Variants in CLASP1 observed in about 807,000 individuals in gnomAD.
CLASP1 encodes cytoplasmic linker associated protein 1.
In CLASP1, 38 loss-of-function variants were observed where a neutral mutation model predicts 192.3. The observed-to-expected ratio is 0.20, with a 90% CI of 0.15 to 0.26. CLASP1 has a LOEUF of 0.26. Ranked by LOEUF, CLASP1 falls within the 10% of genes least tolerant of loss-of-function variation. CLASP1 has a pLI of 1.00. For synonymous variants in CLASP1, 691 were observed against 712.8 expected (o/e 0.97, Z 0.49); for missense variants, 1,433 against 1,932.5 (o/e 0.74, Z 4.85).
intron 23 of CLASP1, among the ~76,000 whole-genome samples, chr2:121,412,055 A>T (rs984207678): frequency 1.3e-5 from 2 of 152,328 alleles, no homozygotes; most frequent in East Asian, 3.9e-4. Context: ...ACATGAATTG[A>T]TCTTTCCTAT....
intron 8 of CLASP1, among the ~76,000 whole-genome samples, chr2:121,473,476 G>A (rs760165050): frequency 5.3e-5 from 8 of 152,136 alleles, no homozygotes; most frequent in Non-Finnish European, 1.2e-4. Context: ...GAGTCTCAGA[G>A]ACATGAAGGA....
chr2:121,594,832 A>G (rs1398932845), intron 2 of CLASP1, among the ~76,000 whole-genome samples: 2 of 152,244 alleles, frequency 1.3e-5, no homozygotes, highest in African/African-American at 2.4e-5. Flanking sequence ...TACAATAAGC[A>G]TAATAATAGA....
chr2:121,483,599 C>T (rs1303707340), intron 8 of CLASP1, among the ~76,000 whole-genome samples: 1 of 151,478 alleles, frequency 6.6e-6, no homozygotes, highest in Non-Finnish European at 1.5e-5. Context: ...TATATACACA[C>T]ACACAAGAAT....
At chr2:121,384,886 AAATT>A (rs1166097222) in intron 32 of CLASP1, among the ~76,000 whole-genome samples, 4 of 152,260 alleles carry the variant, frequency 2.6e-5, no homozygotes, top group South Asian at 4.1e-4. Context: ...ATCTCTAAAT[AAATT>A]AATTAATTAA....
At chr2:121,531,174 A>AACTTC (rs2094847890) in intron 2 of CLASP1, among the ~76,000 whole-genome samples, 1 of 152,078 alleles carries the variant, frequency 6.6e-6, no homozygotes, top group Non-Finnish European at 1.5e-5. Context: ...ATTTCAACAG[A>AACTTC]ACTTCACCCC....
chr2:121,373,815 G>C (rs2069309377), intron 34 of CLASP1, among the ~76,000 whole-genome samples: 1 of 152,180 alleles, frequency 6.6e-6, no homozygotes, highest in Non-Finnish European at 1.5e-5. Context: ...TGGCCTGGCT[G>C]CTTCTAAAAG....
intron 2 of CLASP1, among the ~76,000 whole-genome samples, chr2:121,574,874 T>C (rs945037869): frequency 1.3e-5 from 2 of 151,292 alleles, no homozygotes; most frequent in Middle Eastern, 3.4e-3. Context: ...ACCCAGGAAT[T>C]GGAGGTTGCA....
chr2:121,529,747 T>G (rs2094704544), intron 3 of CLASP1, among the ~76,000 whole-genome samples: 1 of 152,216 alleles, frequency 6.6e-6, no homozygotes, highest in African/African-American at 2.4e-5. Context: ...GTGAAAATAG[T>G]CATGCCAACC....
chr2:121,482,680 A>T (rs985445065), intron 8 of CLASP1, among the ~76,000 whole-genome samples: 4 of 152,308 alleles, frequency 2.6e-5, no homozygotes, highest in African/African-American at 7.2e-5. Flanking sequence ...AGTCCCCAAC[A>T]TAAAACTCTG....
chr2:121,575,501 A>G (rs1363372469), intron 2 of CLASP1, among the ~76,000 whole-genome samples: 1 of 152,196 alleles, frequency 6.6e-6, no homozygotes. Context: ...CAGATTCTGA[A>G]GCTCACACAC....
chr2:121,351,230 T>C (rs1196882091), intron 37 of CLASP1, among the ~76,000 whole-genome samples: 4 of 152,232 alleles, frequency 2.6e-5, no homozygotes, highest in East Asian at 1.9e-4. Flanking sequence ...GTCCCTCAGA[T>C]GTGGCTGACA....
At chr2:121,370,632 C>T (rs1438969881) in intron 34 of CLASP1, among the ~76,000 whole-genome samples, 1 of 152,128 alleles carries the variant, frequency 6.6e-6, no homozygotes, top group African/African-American at 2.4e-5. Context: ...GTCCATTCTT[C>T]GATTTTCACT....
intron 7 of CLASP1, among the ~76,000 whole-genome samples, chr2:121,510,853 G>T (rs564471867): frequency 1.3e-5 from 2 of 151,436 alleles, no homozygotes; most frequent in South Asian, 2.1e-4. Context: ...ATGGACGAAT[G>T]AATGAATGAA....
At chr2:121,642,204 G>A (rs1481989973) in intron 1 of CLASP1, among the ~76,000 whole-genome samples, 1 of 151,812 alleles carries the variant, frequency 6.6e-6, no homozygotes, top group Non-Finnish European at 1.5e-5. Context: ...GATTGCTTGA[G>A]TCCAGGAGTT....
chr2:121,429,523 A>T (rs2081019778), intron 20 of CLASP1, among the ~76,000 whole-genome samples: 1 of 152,248 alleles, frequency 6.6e-6, no homozygotes, highest in Admixed American at 6.5e-5. Context: ...GGCTGCTTTC[A>T]TGGCTAAGGC....
intron 1 of CLASP1, among the ~76,000 whole-genome samples, chr2:121,620,409 G>A (rs1363726910): frequency 6.6e-6 from 1 of 151,770 alleles, no homozygotes; most frequent in Non-Finnish European, 1.5e-5. Context: ...GAGTGCAGTG[G>A]CGCAATCTTG....
chr2:121,478,465 G>A (rs2091913403), intron 8 of CLASP1, among the ~76,000 whole-genome samples: 1 of 152,006 alleles, frequency 6.6e-6, no homozygotes, highest in South Asian at 2.1e-4. Flanking sequence ...GCCCAGCGTG[G>A]CAGCACACTC....
intron 28 of CLASP1, among the ~76,000 whole-genome samples, chr2:121,399,281 T>C (rs185315962): frequency 6.6e-6 from 1 of 152,186 alleles, no homozygotes; most frequent in South Asian, 2.1e-4. Flanking sequence ...ATCCTACATA[T>C]AATTACTAAT....
At chr2:121,511,921 T>C (rs2094148082) in intron 7 of CLASP1, among the ~76,000 whole-genome samples, 1 of 152,230 alleles carries the variant, frequency 6.6e-6, no homozygotes, top group South Asian at 2.1e-4. Flanking sequence ...GGGTTCTCTT[T>C]AACACTAAAG....
Sources: allele counts gnomAD v4.1 joint callset (sites outside exome capture counted in the v4.1 genomes callset), GRCh38; gene constraint gnomAD v4.1.1; transcripts MANE v1.5; gene names NCBI Gene and HGNC (gene_info 2026-07-23, HGNC 2026-07-21).